Variants in SENP7 observed in about 807,000 individuals in gnomAD.
SENP7 encodes sentrin-specific protease 7.
SENP7 carries 64 observed loss-of-function variants against 141.2 expected under a neutral mutation model. The ratio of observed to expected loss-of-function variants is 0.45; its 90% CI spans 0.37 to 0.56. The LOEUF (loss-of-function observed/expected upper bound fraction) is 0.56, where lower values mean the gene tolerates loss of function less well. Among genes scored for constraint, SENP7 ranks in the 20% least tolerant of loss-of-function variants. The pLI is 0.00. For missense variants in SENP7, 1,025 were observed against 1,212.2 expected, an observed-to-expected ratio of 0.85 and a Z score of 2.29; for synonymous variants, 382 against 426.4, an observed-to-expected ratio of 0.90 and a Z score of 1.28.
chr3:101,393,067 C>T (rs545829222), intron 6 of SENP7, among the ~76,000 whole-genome samples: 20 of 152,280 alleles, frequency 1.3e-4, no homozygotes, highest in Admixed American at 1.3e-3. Flanking sequence ...TGACTTTCAA[C>T]AAAGGCACCA....
At chr3:101,386,279 GA>G (rs1189918991) in intron 6 of SENP7, among the ~76,000 whole-genome samples, 2 of 152,202 alleles carry the variant, frequency 1.3e-5, no homozygotes, top group African/African-American at 4.8e-5. Context: ...TCCTTGCTGT[GA>G]AGAAAAGGTA....
intron 3 of SENP7, among the ~76,000 whole-genome samples, chr3:101,466,439 C>T (rs939084618): frequency 2.6e-4 from 39 of 152,148 alleles, no homozygotes; most frequent in African/African-American, 8.7e-4. Context: ...ACCTTACAGG[C>T]ATATGATGAT....
chr3:101,409,223 T>A (rs895914953), intron 5 of SENP7, among the ~76,000 whole-genome samples: 1 of 151,888 alleles, frequency 6.6e-6, no homozygotes, highest in Non-Finnish European at 1.5e-5. Flanking sequence ...GGAATATATC[T>A]AACCAAAGAG....
At chr3:101,342,628 G>A (rs535316210) in intron 14 of SENP7, among the ~76,000 whole-genome samples, 56 of 151,024 alleles carry the variant, frequency 3.7e-4, no homozygotes, top group Admixed American at 5.9e-4. Flanking sequence ...TCTGTTACAG[G>A]ATCCTACAAT....
In SENP7 at chr3:101,371,875, T is replaced by C. The variant is rs149710695; in HGVS notation, c.796+133A>G. Reference sequence around the variant, plus strand: ...AGAGTAGGTTTAGCAATTTTATTTGTGTTGCCAAATAATCTCCCTTTACTT... The same window carrying C: ...AGAGTAGGTTTAGCAATTTTATTTGCGTTGCCAAATAATCTCCCTTTACTT... On this transcript the variant is annotated intron_variant, in intron 7 of 23. Transcript: ENST00000394095. 1,694 of 358,566 alleles carry C rather than the reference T, an allele frequency of 4.7e-3. 23 individuals carry two copies. The highest frequency in any genetic ancestry group is 0.033 in the African/African-American group (1,559 of 47,112). 22.2% of individuals were successfully genotyped at this position (358,566 alleles called of 1,614,324 possible).
At chr3:101,498,900 A>G (rs1232704869) in intron 2 of SENP7, among the ~76,000 whole-genome samples, 1 of 152,194 alleles carries the variant, frequency 6.6e-6, no homozygotes, top group African/African-American at 2.4e-5. Context: ...AATTTGAGGT[A>G]GAACAGTTTC....
intron 4 of SENP7, among the ~76,000 whole-genome samples, chr3:101,420,744 T>C (rs1208247253): frequency 1.3e-5 from 2 of 152,138 alleles, no homozygotes; most frequent in Admixed American, 6.5e-5. Flanking sequence ...CTGCCAAAAA[T>C]GTAACCTGGA....
intron 5 of SENP7, among the ~76,000 whole-genome samples, chr3:101,412,640 A>G (rs112740529): frequency 1.6e-3 from 245 of 152,224 alleles, no homozygotes; most frequent in African/African-American, 4.7e-3. Context: ...TCTTAATGGA[A>G]TATGGGTACA....
chr3:101,448,997 C>G (rs938864159), intron 4 of SENP7, among the ~76,000 whole-genome samples: 1 of 151,870 alleles, frequency 6.6e-6, no homozygotes. Context: ...AGACGAATGG[C>G]TAACTAGAAT....
intron 4 of SENP7, among the ~76,000 whole-genome samples, chr3:101,454,123 A>G (rs187699004): frequency 6.6e-6 from 1 of 152,330 alleles, no homozygotes; most frequent in Non-Finnish European, 1.5e-5. Flanking sequence ...GTCATTTTGA[A>G]AAAAAGTTCA....
At chr3:101,434,867 C>G (rs1467811409) in intron 4 of SENP7, among the ~76,000 whole-genome samples, 1 of 152,036 alleles carries the variant, frequency 6.6e-6, no homozygotes, top group East Asian at 1.9e-4. Flanking sequence ...GCCAATCCTA[C>G]TCAAACTATT....
chr3:101,418,655 C>T (rs2061693733), intron 4 of SENP7, among the ~76,000 whole-genome samples: 1 of 148,160 alleles, frequency 6.7e-6, no homozygotes, highest in African/African-American at 2.5e-5. Context: ...AATATGTTCA[C>T]ATATTTTCAA....
chr3:101,332,029 T>G lies in SENP7; in HGVS notation c.2654A>C (p.Gln885Pro). Residue 885 changes from glutamine to proline, a missense_variant, in exon 19 of 24, where the codon CAG becomes CCG. Physicochemically the swap from Gln to Pro is moderately conservative, Grantham distance 76. Transcript: ENST00000394095. ...VYEDFPQTVSQQSQAQQSQND... is the reference protein window; with the variant it reads ...VYEDFPQTVSPQSQAQQSQND... ...TTGGGACTGCTGAGCCTGGGACTGC[T>G]GGGATACAGTTTGTGGAAAATCTTC... The G allele has an allele frequency of 6.2e-7, 1 of 1,613,658 alleles. No individual in the cohort carries two copies. Among genetic ancestry groups the G allele is most frequent in the South Asian group, 1.1e-5 (1 of 91,080 alleles).
rs1365559617 is a variant in SENP7 at position 101,488,248 on chromosome 3, G to T, written c.186+5625C>A. On this transcript the variant is annotated intron_variant, in intron 3 of 23. Transcript: ENST00000394095. The stretch of plus-strand genomic sequence containing the variant: ...GCAAATGGGATTGTGTTCTTGATTT[G>T]ACTCTCAGCCTGGACATTATTTGGT... Among the ~76,000 whole-genome samples, 5 of 151,830 alleles carry T rather than the reference G, an allele frequency of 3.3e-5. No homozygotes were observed. In the East Asian group the frequency reaches 7.7e-4, roughly 23 times the overall value.
chr3:101,339,298 A>G (rs1414258311), intron 16 of SENP7, among the ~76,000 whole-genome samples: 1 of 152,164 alleles, frequency 6.6e-6, no homozygotes, highest in East Asian at 1.9e-4. Flanking sequence ...TAATTAGGAG[A>G]TATCTCCATC....
intron 6 of SENP7, among the ~76,000 whole-genome samples, chr3:101,376,616 A>G (rs2060337431): frequency 6.6e-6 from 1 of 151,206 alleles, no homozygotes; most frequent in Non-Finnish European, 1.5e-5. Context: ...GGGGAATATC[A>G]CACTCTGGGG....
chr3:101,418,807 C>T (rs1417715420), intron 4 of SENP7, among the ~76,000 whole-genome samples: 3 of 151,532 alleles, frequency 2.0e-5, no homozygotes, highest in Non-Finnish European at 4.4e-5. Flanking sequence ...ACATGTTGCA[C>T]ACACACAAAA....
At chr3:101,438,959 C>T (rs573980053) in intron 4 of SENP7, among the ~76,000 whole-genome samples, 1 of 140,820 alleles carries the variant, frequency 7.1e-6, no homozygotes, top group Non-Finnish European at 1.6e-5. Flanking sequence ...GCCACCCCGT[C>T]TGGGAAGTGA....
chr3:101,467,785 G>A (rs1422210895), intron 3 of SENP7, among the ~76,000 whole-genome samples: 10 of 152,102 alleles, frequency 6.6e-5, no homozygotes, highest in Admixed American at 3.3e-4. Context: ...TCTAAAAATC[G>A]GAGCACCTCG....
Sources: gnomAD v4.1 joint callset for allele counts (sites outside exome capture counted in the v4.1 genomes callset) on GRCh38, gnomAD v4.1.1 for gene constraint, MANE v1.5 for transcripts, NCBI Gene and HGNC (gene_info 2026-07-23, HGNC 2026-07-21) for gene names.